Variants in KCNQ5 observed in about 807,000 individuals in gnomAD.
KCNQ5 encodes the protein potassium voltage-gated channel subfamily Q member 5, also known as potassium voltage-gated channel subfamily KQT member 5.
In KCNQ5, 30 loss-of-function variants were observed where a neutral mutation model predicts 98.2. The ratio of observed to expected loss-of-function variants is 0.31; its 90% CI spans 0.23 to 0.41. The LOEUF (loss-of-function observed/expected upper bound fraction) is 0.41. Ranked by LOEUF, KCNQ5 falls within the 10% of genes least tolerant of loss-of-function variation. The pLI is 1.00. For missense variants in KCNQ5, 835 were observed against 1,182.5 expected (o/e 0.71, Z 4.31); for synonymous variants, 458 against 449.4 (o/e 1.02, Z -0.24).
chr6:72,856,453 CACACACACACACATATAT>C (rs1010504533), intron 1 of KCNQ5, among the ~76,000 whole-genome samples: 10 of 91,664 alleles, frequency 1.1e-4, no homozygotes, highest in African/African-American at 3.3e-4. Flanking sequence ...CATACACACA[CACACACACACACATATAT>C]ACACACACAC....
chr6:73,036,679 C>G (rs1562140608), intron 2 of KCNQ5, among the ~76,000 whole-genome samples: 1 of 152,094 alleles, frequency 6.6e-6, no homozygotes, highest in Non-Finnish European at 1.5e-5. Context: ...ATCAATAGTT[C>G]ATTCATTTTT....
chr6:72,737,413 GACA>G (rs150479934), intron 1 of KCNQ5, among the ~76,000 whole-genome samples: 5,335 of 152,058 alleles, frequency 0.035, 149 homozygotes, highest in South Asian at 0.11. Context: ...CCTCTGGTGG[GACA>G]ACAATATACA....
chr6:72,739,947 C>T (rs577961546), intron 1 of KCNQ5, among the ~76,000 whole-genome samples: 1 of 152,282 alleles, frequency 6.6e-6, no homozygotes, highest in Non-Finnish European at 1.5e-5. Context: ...CTCAGAGGCA[C>T]ATAAATTTAT....
intron 1 of KCNQ5, among the ~76,000 whole-genome samples, chr6:72,663,805 T>TA (rs576226097): frequency 4.7e-5 from 7 of 149,590 alleles, no homozygotes; most frequent in Non-Finnish European, 7.4e-5. Flanking sequence ...ATATATTCTT[T>TA]AAAAAAAAAA....
At chr6:72,758,337 G>A (rs1368744246) in intron 1 of KCNQ5, among the ~76,000 whole-genome samples, 3 of 151,940 alleles carry the variant, frequency 2.0e-5, no homozygotes, top group East Asian at 1.9e-4. Context: ...CATCTAATGC[G>A]CTTTAACACT....
At chr6:72,815,322 A>G (rs1401987221) in intron 1 of KCNQ5, among the ~76,000 whole-genome samples, 1 of 152,234 alleles carries the variant, frequency 6.6e-6, no homozygotes, top group Non-Finnish European at 1.5e-5. Flanking sequence ...TCAGATTTTT[A>G]TAAGTATCGT....
intron 1 of KCNQ5, among the ~76,000 whole-genome samples, chr6:72,822,871 C>T (rs966509990): frequency 1.4e-4 from 21 of 152,242 alleles, no homozygotes; most frequent in African/African-American, 4.8e-4. Flanking sequence ...TGCATTTCCT[C>T]TTTTTCCACA....
intron 1 of KCNQ5, among the ~76,000 whole-genome samples, chr6:72,930,913 T>G (rs1008243912): frequency 6.6e-6 from 1 of 152,198 alleles, no homozygotes; most frequent in Non-Finnish European, 1.5e-5. Context: ...TCAATGATCA[T>G]GTAATTCCTA....
intron 8 of KCNQ5, among the ~76,000 whole-genome samples, chr6:73,122,434 T>G (rs527348821): frequency 6.6e-6 from 1 of 152,320 alleles, no homozygotes; most frequent in Non-Finnish European, 1.5e-5. Context: ...TCCTCTGATA[T>G]TTTCCCTGTC....
intron 1 of KCNQ5, among the ~76,000 whole-genome samples, chr6:72,926,184 G>A (rs1301768839): frequency 1.3e-5 from 2 of 151,970 alleles, no homozygotes; most frequent in Non-Finnish European, 2.9e-5. Context: ...TTCATCCCAG[G>A]AACTACCAGA....
intron 1 of KCNQ5, among the ~76,000 whole-genome samples, chr6:72,985,088 C>G (rs1768698886): frequency 6.6e-6 from 1 of 152,126 alleles, no homozygotes; most frequent in African/African-American, 2.4e-5. Context: ...TGCTGGTAGT[C>G]CTAGATACTT....
intron 1 of KCNQ5, among the ~76,000 whole-genome samples, chr6:72,963,168 G>A (rs927200992): frequency 6.6e-6 from 1 of 152,128 alleles, no homozygotes; most frequent in East Asian, 1.9e-4. Flanking sequence ...TTCCTTTGAA[G>A]GCAGTGATAA....
At chr6:73,025,839 C>T (rs988876928) in intron 2 of KCNQ5, among the ~76,000 whole-genome samples, 6 of 152,074 alleles carry the variant, frequency 3.9e-5, no homozygotes, top group Non-Finnish European at 8.8e-5. Flanking sequence ...TTCATGGCCA[C>T]GTTGAGGACC....
chr6:72,949,593 A>G (rs1216551987), intron 1 of KCNQ5, among the ~76,000 whole-genome samples: 2 of 152,178 alleles, frequency 1.3e-5, no homozygotes, highest in African/African-American at 4.8e-5. Context: ...AGCTTTAAAC[A>G]TTTTCATATT....
intron 1 of KCNQ5, among the ~76,000 whole-genome samples, chr6:72,882,757 G>C (rs964520728): frequency 3.2e-4 from 49 of 152,020 alleles, no homozygotes; most frequent in African/African-American, 1.2e-3. Flanking sequence ...CCTTTGATCA[G>C]CACACATCAT....
At chr6:72,988,210 C>T (rs1458856076) in intron 1 of KCNQ5, among the ~76,000 whole-genome samples, 2 of 152,178 alleles carry the variant, frequency 1.3e-5, no homozygotes. Context: ...TGTATTTAAT[C>T]TTCATAATTA....
intron 1 of KCNQ5, among the ~76,000 whole-genome samples, chr6:72,639,020 A>G (rs966038320): frequency 6.6e-6 from 1 of 152,210 alleles, no homozygotes; most frequent in Admixed American, 6.5e-5. Flanking sequence ...AAGTTACTCA[A>G]TTCTGTTTTA....
At chr6:72,984,053 T>C (rs1305765764) in intron 1 of KCNQ5, among the ~76,000 whole-genome samples, 1 of 152,118 alleles carries the variant, frequency 6.6e-6, no homozygotes, top group East Asian at 1.9e-4. Context: ...GACTAGCAAA[T>C]ATTGCTGCCT....
intron 1 of KCNQ5, among the ~76,000 whole-genome samples, chr6:72,660,020 G>C (rs77230182): frequency 0.019 from 2,923 of 152,218 alleles, 78 homozygotes; most frequent in African/African-American, 0.065. Flanking sequence ...TCCCTTGTGG[G>C]CTGTTTTCAA....
Sources: gnomAD v4.1 joint callset for allele counts (sites outside exome capture counted in the v4.1 genomes callset) on GRCh38, gnomAD v4.1.1 for gene constraint, MANE v1.5 for transcripts, NCBI Gene and HGNC (gene_info 2026-07-23, HGNC 2026-07-21) for gene names.